The following SERINC1 variants were observed in gnomAD, a reference collection of about 807,000 sequenced individuals.
SERINC1 encodes tumor differentially expressed protein 2.
Under a neutral mutation model 52.9 loss-of-function variants are expected in SERINC1, and 38 were observed. The ratio of observed to expected loss-of-function variants is 0.72; its 90% CI spans 0.55 to 0.94. The LOEUF is 0.94. SERINC1 is among the 40% of genes least tolerant of loss of function. The probability of loss-of-function intolerance (pLI) is 0.00; values close to 1 mark genes in which losing one functional copy is unlikely to be tolerated. For synonymous variants in SERINC1, 198 were observed against 183.1 expected (o/e 1.08, Z -0.66); for missense variants, 471 against 533.9 (o/e 0.88, Z 1.16).
chr6:122,456,255 T>C (rs1774991319), intron 3 of SERINC1, among the ~76,000 whole-genome samples: 1 of 152,150 alleles, frequency 6.6e-6, no homozygotes, highest in Non-Finnish European at 1.5e-5. Context: ...TTTTTTAGTA[T>C]GAAAATATAA....
At chr6:122,454,853 G>A (rs1185360978) in intron 3 of SERINC1, among the ~76,000 whole-genome samples, 3 of 152,180 alleles carry the variant, frequency 2.0e-5, no homozygotes, top group African/African-American at 4.8e-5. Flanking sequence ...CTGCAGAAAC[G>A]AGGGCTGTAA....
chr6:122,464,190 C>T (rs1484132171), intron 1 of SERINC1, among the ~76,000 whole-genome samples: 1 of 151,950 alleles, frequency 6.6e-6, no homozygotes, highest in Admixed American at 6.6e-5. Context: ...AACGGTTACA[C>T]GACTAGAGAT....
At chr6:122,461,027 A>G (rs1387098236) in intron 1 of SERINC1, among the ~76,000 whole-genome samples, 1 of 152,198 alleles carries the variant, frequency 6.6e-6, no homozygotes, top group Non-Finnish European at 1.5e-5. Flanking sequence ...AGAGATAAAA[A>G]TAAGAAAAGG....
chr6:122,456,910 C>A (rs1224447851), intron 2 of SERINC1, among the ~76,000 whole-genome samples: 1 of 152,104 alleles, frequency 6.6e-6, no homozygotes, highest in Non-Finnish European at 1.5e-5. Context: ...ATAGATTTAT[C>A]CTACATTTTA....
intron 9 of SERINC1, 24 bp from the exon 10 acceptor site, chr6:122,445,203 A>G: frequency 6.2e-7 from 1 of 1,609,376 alleles, no homozygotes; most frequent in Non-Finnish European, 8.5e-7. Flanking sequence ...GAAAATTATT[A>G]AAAAGGGGCA....
Position 122,452,048 on chromosome 6 carries a change from G to A in SERINC1, c.599C>T (p.Ser200Leu). 6.5e-7 allele frequency: 1 copy of A among 1,528,922 alleles called. No individual in the cohort carries two copies. Among genetic ancestry groups the A allele is most frequent in the Non-Finnish European group, 8.8e-7 (1 of 1,140,978 alleles). The allele number at this position is 1,528,922 out of a possible 1,614,324, so 94.7% of individuals were successfully genotyped here. A position where few individuals can be genotyped will look rare whatever the true frequency, so the allele number is the denominator to read the frequency against. ...CAGCAGATAATTCAGAGCTGTAGCT[G>A]ATAACAAGGCTGTGAAAGAAATATA... Reference protein sequence around the residue: ...NSRCWYAALLSATALNYLLSL... With the variant: ...NSRCWYAALLLATALNYLLSL... The change falls in exon 6 of 10, where the codon TCA becomes TTA. Residue 200 changes from serine to leucine, a missense_variant. Physicochemically the swap from Ser to Leu is moderately radical, Grantham distance 145. Transcript: ENST00000339697.
chr6:122,445,035 A>T lies in SERINC1; in HGVS notation c.*9T>A. ...AATCAAAGTGGGACTTTCATGCTAGAAGTCTCACTCAGTCAAAATCACGAT... is the reference window on the plus strand; with the variant it reads ...AATCAAAGTGGGACTTTCATGCTAGTAGTCTCACTCAGTCAAAATCACGAT... On this transcript the variant is annotated 3_prime_UTR_variant, in exon 10 of 10. Coordinates refer to ENST00000339697, the MANE Select transcript of SERINC1 (RefSeq NM_020755.4). The T allele has an allele frequency of 6.2e-7, 1 of 1,609,346 alleles. No individual in the cohort carries two copies. Among genetic ancestry groups the T allele is most frequent in the South Asian group, 1.1e-5 (1 of 89,790 alleles).
At chr6:122,457,404 C>T (rs1459858646) in intron 2 of SERINC1, among the ~76,000 whole-genome samples, 1 of 152,204 alleles carries the variant, frequency 6.6e-6, no homozygotes, top group East Asian at 1.9e-4. Flanking sequence ...GTCTCTAGCT[C>T]TGATTTCTCT....
intron 1 of SERINC1, among the ~76,000 whole-genome samples, chr6:122,467,153 G>T (rs1775204278): frequency 6.6e-6 from 1 of 152,172 alleles, no homozygotes; most frequent in African/African-American, 2.4e-5. Context: ...CTCATTAGAG[G>T]ATAAAGTGAG....
In SERINC1 at chr6:122,451,772, AAAAAATAT is replaced by A; in HGVS notation, c.760-26_760-19del. On this transcript the variant is annotated intron_variant, in intron 6 of 9. Coordinates refer to ENST00000339697, the MANE Select transcript of SERINC1 (RefSeq NM_020755.4). Reference sequence around the variant, plus strand: ...TGTGATTCCTACAAAAAAAAAAAAAAAAAAATATATATATATATATATAGCAACACAGG... The same window carrying A: ...TGTGATTCCTACAAAAAAAAAAAAAAATATATATATATATAGCAACACAGG... 8 of 246,734 alleles carry A rather than the reference AAAAAATAT, an allele frequency of 3.2e-5. No homozygotes were observed. Among genetic ancestry groups the A allele is most frequent in the South Asian group, 1.7e-4 (1 of 5,758 alleles). The allele number at this position is 246,734 out of a possible 1,614,324, so 15.3% of individuals were successfully genotyped here.
chr6:122,452,005 G>A lies in SERINC1; in HGVS notation c.642C>T (p.Val214=). Residue 214 remains valine (V), a synonymous_variant, in exon 6 of 10, where the codon GTC becomes GTT. Coordinates refer to ENST00000339697, the MANE Select transcript of SERINC1 (RefSeq NM_020755.4). ...GATGAGTGTAGTAGACAAAGAACAG[G>A]ACGATAGCAACTAAAGACAGCAGAT... ...LNYLLSLVAI[V]LFFVYYTHPA... 3 of 1,586,460 alleles carry A rather than the reference G, an allele frequency of 1.9e-6. No individual in the cohort carries two copies. Among genetic ancestry groups the A allele is most frequent in the Non-Finnish European group, 2.6e-6 (3 of 1,167,444 alleles).
rs1415169953 is a variant in SERINC1, at chr6:122,451,774, A to AT, written c.760-21_760-20insA. 17 of 211,210 alleles carry AT rather than the reference A, an allele frequency of 8.0e-5. No homozygotes were observed. The East Asian group carries it at 1.8e-3, about 23-fold the overall frequency. The allele number at this position is 211,210 out of a possible 1,614,324, so 13.1% of individuals were successfully genotyped here. A position where few individuals can be genotyped will look rare whatever the true frequency, so the allele number is the denominator to read the frequency against. On this transcript the variant is annotated intron_variant, in intron 6 of 9. Coordinates refer to ENST00000339697, the MANE Select transcript of SERINC1 (RefSeq NM_020755.4). ...TGATTCCTACAAAAAAAAAAAAAAAAAAATATATATATATATATATAGCAA... is the reference window on the plus strand; with the variant it reads ...TGATTCCTACAAAAAAAAAAAAAAAATAAATATATATATATATATATAGCAA...
chr6:122,451,776 A>AAAAAAAATATAT lies in SERINC1; in HGVS notation c.760-23_760-22insATATATTTTTTT. 7.9e-3 allele frequency: 893 copies of AAAAAAAATATAT among 112,526 alleles called. 60 individuals carry two copies. The highest frequency in any genetic ancestry group is 9.6e-3 in the Non-Finnish European group (704 of 72,974). The allele number at this position is 112,526 out of a possible 1,614,324, so 7.0% of individuals were successfully genotyped here. ...ATTCCTACAAAAAAAAAAAAAAAAAAATATATATATATATATATAGCAACA... is the reference window on the plus strand; with the variant it reads ...ATTCCTACAAAAAAAAAAAAAAAAAAAAAAAAATATATATATATATATATATATATAGCAACA... On this transcript the variant is annotated intron_variant, in intron 6 of 9. Transcript: ENST00000339697.
intron 5 of SERINC1, among the ~76,000 whole-genome samples, chr6:122,453,340 G>A (rs979902555): frequency 1.3e-5 from 2 of 152,092 alleles, no homozygotes; most frequent in Non-Finnish European, 2.9e-5. Context: ...CTTTGCACTT[G>A]AATAAAACAT....
chr6:122,454,008 G>T, intron 4 of SERINC1, 101 bp from the exon 5 acceptor site: 1 of 1,350,784 alleles, frequency 7.4e-7, no homozygotes, highest in Non-Finnish European at 1.0e-6. Context: ...AATTTTATAT[G>T]AACATCTTGA....
chr6:122,451,768 A>AG lies in SERINC1; in HGVS notation c.760-15_760-14insC. 3.8e-6 allele frequency: 1 copy of AG among 261,736 alleles called. No homozygotes were observed. The allele number at this position is 261,736 out of a possible 1,614,324, so 16.2% of individuals were successfully genotyped here. A position where few individuals can be genotyped will look rare whatever the true frequency, so the allele number is the denominator to read the frequency against. ...TGGTTGTGATTCCTACAAAAAAAAA[A>AG]AAAAAAAAATATATATATATATATA... On this transcript the variant is annotated splice_polypyrimidine_tract_variant and intron_variant, in intron 6 of 9. Transcript: ENST00000339697.
In SERINC1 at chr6:122,443,863, G is replaced by A. The variant is rs1380962547; in HGVS notation, c.*1181C>T. The A allele has an allele frequency of 6.6e-6, 1 of 152,098 alleles. No individual in the cohort carries two copies. Among genetic ancestry groups the A allele is most frequent in the Non-Finnish European group, 1.5e-5 (1 of 68,028 alleles). The allele number at this position is 152,098 out of a possible 1,614,324, so 9.4% of individuals were successfully genotyped here. A position where few individuals can be genotyped will look rare whatever the true frequency, so the allele number is the denominator to read the frequency against. On this transcript the variant is annotated 3_prime_UTR_variant, in exon 10 of 10. Coordinates refer to ENST00000339697, the MANE Select transcript of SERINC1 (RefSeq NM_020755.4). Reference sequence around the variant, plus strand: ...CTTGAAATTTCCTAATTAGCTATCTGAGCTATTTAAGTCTGTATTTCAGTG... The same window carrying A: ...CTTGAAATTTCCTAATTAGCTATCTAAGCTATTTAAGTCTGTATTTCAGTG...
At chr6:122,445,463 G>A (rs965099126) in intron 9 of SERINC1, among the ~76,000 whole-genome samples, 1 of 152,092 alleles carries the variant, frequency 6.6e-6, no homozygotes, top group Admixed American at 6.5e-5. Flanking sequence ...AGACAGAAGA[G>A]GAACTGAATG....
chr6:122,454,154 T>C lies in SERINC1; in HGVS notation c.448A>G (p.Thr150Ala), dbSNP rs531558810. The C allele has an allele frequency of 1.2e-5, 18 of 1,560,054 alleles. No homozygotes were observed. In the African/African-American group the frequency reaches 1.8e-4, roughly 15 times the overall value. ...AFFIPEGTFT[T>A]VWFYVGMAGA... The stretch of plus-strand genomic sequence containing the variant: ...CAACTTAAAAAGGATTTCTTACCAG[T>C]TGTAAAAGTTCCTTCTGGAATGAAG... Residue 150 changes from threonine to alanine, a missense_variant, in exon 4 of 10, where the codon ACT becomes GCT. Physicochemically the swap from Thr to Ala is moderately conservative, Grantham distance 58 (BLOSUM62 0). Transcript: ENST00000339697.
Sources: allele counts gnomAD v4.1 joint callset (sites outside exome capture counted in the v4.1 genomes callset), GRCh38; gene constraint gnomAD v4.1.1; transcripts MANE v1.5; gene names NCBI Gene and HGNC (gene_info 2026-07-23, HGNC 2026-07-21).